Variants in GSDMC observed in about 807,000 individuals in gnomAD.
GSDMC encodes the protein gasdermin-C.
Under a neutral mutation model 58.0 loss-of-function variants are expected in GSDMC, and 59 were observed. That is an observed-to-expected ratio of 1.02 (90% CI 0.82 to 1.26). The LOEUF (loss-of-function observed/expected upper bound fraction) is 1.26, where lower values mean the gene tolerates loss of function less well. GSDMC is among the 50% of genes most tolerant of loss of function. The pLI, the probability that GSDMC is intolerant of heterozygous loss-of-function variation, is 0.00. For missense variants in GSDMC, 659 were observed against 598.5 expected (o/e 1.10, Z -1.06); for synonymous variants, 241 against 220.2 (o/e 1.09, Z -0.83).
At chr8:129,725,022 A>G in the GSDMC span, among the ~76,000 whole-genome samples, 1 of 152,196 alleles carries the variant, frequency 6.6e-6, no homozygotes. Context: ...GGCCAGTTGA[A>G]CAAGTTAACC....
intron 3 of GSDMC, among the ~76,000 whole-genome samples, chr8:129,775,089 G>A (rs781584402): frequency 6.6e-6 from 1 of 152,160 alleles, no homozygotes; most frequent in Non-Finnish European, 1.5e-5. Flanking sequence ...AAATTAATCA[G>A]TAGCTCAAAG....
the GSDMC span, among the ~76,000 whole-genome samples, chr8:129,714,361 T>G: frequency 6.6e-6 from 1 of 152,178 alleles, no homozygotes; most frequent in Non-Finnish European, 1.5e-5. Context: ...AAGACAGAAA[T>G]AGTCTGTTTT....
rs2034270807 is a variant in GSDMC at position 129,777,429 on chromosome 8, A to G, written c.159T>C (p.Ser53=). 2 of 1,613,960 alleles carry G rather than the reference A, an allele frequency of 1.2e-6. No homozygotes were observed. Among genetic ancestry groups the G allele is most frequent in the East Asian group, 4.5e-5 (2 of 44,880 alleles). Residue 53 remains serine (S), a synonymous_variant, in exon 2 of 14, where the codon TCT becomes TCC. Transcript: ENST00000276708. ...KDSRSSFWEQ[S]DYVPVEFSLN... ...GGGAGAATTCAACTGGAACATAGTC[A>G]GATTGTTCCCAAAATGATGAACGAG... is the stretch of plus-strand genomic sequence containing the variant.
chr8:129,776,205 T>C lies in GSDMC; in HGVS notation c.301A>G (p.Ile101Val). Residue 101 changes from isoleucine to valine, a missense_variant, in exon 3 of 14, where the codon ATA (isoleucine) becomes GTA (valine). By Grantham distance (29) the Ile-to-Val change is conservative. Coordinates refer to ENST00000276708, the MANE Select transcript of GSDMC (RefSeq NM_031415.3). Reference protein sequence around the residue: ...HKADMGVNVGIEVSVSGEASV... With the variant: ...HKADMGVNVGVEVSVSGEASV... ...GCCTCCCCTGACACACTCACTTCTATACCAACATTCACACCCATGTCAGCC... is the reference window on the plus strand; with the variant it reads ...GCCTCCCCTGACACACTCACTTCTACACCAACATTCACACCCATGTCAGCC... 1 of 1,613,774 alleles carries C rather than the reference T, an allele frequency of 6.2e-7. No homozygotes were observed. Among genetic ancestry groups the C allele is most frequent in the African/African-American group, 1.3e-5 (1 of 75,024 alleles).
the GSDMC span, among the ~76,000 whole-genome samples, chr8:129,734,783 T>C: frequency 1.3e-5 from 2 of 152,150 alleles, no homozygotes; most frequent in Admixed American, 1.3e-4. Flanking sequence ...GCTAACATCA[T>C]AATGACAGGA....
In GSDMC at chr8:129,752,691, A is replaced by G; in HGVS notation, c.844+7T>C. ...AGAAGTAAAAATAAAGTGAGCAATC[A>G]CAGTACCTGGTTTTAACTTCATATC... On this transcript the variant is annotated splice_region_variant and intron_variant, in intron 7 of 13. Coordinates refer to ENST00000276708, the MANE Select transcript of GSDMC (RefSeq NM_031415.3). 6.2e-7 allele frequency: 1 copy of G among 1,614,130 alleles called. No homozygotes were observed. The highest frequency in any genetic ancestry group is 8.5e-7 in the Non-Finnish European group (1 of 1,179,996).
chr8:129,777,878 C>T (rs1161181880), intron 1 of GSDMC, among the ~76,000 whole-genome samples: 6 of 152,136 alleles, frequency 3.9e-5, no homozygotes, highest in African/African-American at 9.7e-5. Flanking sequence ...CACCATCACA[C>T]CTGGCTTCCA....
chr8:129,713,925 G>A, the GSDMC span, among the ~76,000 whole-genome samples: 4 of 152,264 alleles, frequency 2.6e-5, no homozygotes, highest in South Asian at 2.1e-4. Context: ...TAATGGCCTC[G>A]GGTGGAAAAA....
intron 3 of GSDMC, among the ~76,000 whole-genome samples, chr8:129,775,566 T>C (rs2034198349): frequency 6.6e-6 from 1 of 152,178 alleles, no homozygotes. Flanking sequence ...CTGACTTTAT[T>C]GTGGTCTTTT....
downstream of GSDMC, among the ~76,000 whole-genome samples, chr8:129,745,001 A>G (rs2032931568): frequency 6.6e-6 from 1 of 152,164 alleles, no homozygotes; most frequent in African/African-American, 2.4e-5. Context: ...ATAAGTATAA[A>G]CATAGCCTAT....
rs2033328072 is a variant in GSDMC at position 129,753,929 on chromosome 8, G to A, written c.722-1109C>T. Among the ~76,000 whole-genome samples the A allele has an allele frequency of 5.3e-5, 8 of 152,330 alleles. 1 individual carries two copies. The South Asian group carries it at 1.7e-3, about 32-fold the overall frequency. ...CTCCTCTACCTGTGAAAAGGGGAGGGAAGAGTGGGGAAAACTTTGTCTTGT... is the reference window on the plus strand; with the variant it reads ...CTCCTCTACCTGTGAAAAGGGGAGGAAAGAGTGGGGAAAACTTTGTCTTGT... On this transcript the variant is annotated intron_variant, in intron 6 of 13. Transcript: ENST00000276708.
the GSDMC span, among the ~76,000 whole-genome samples, chr8:129,727,642 A>G: frequency 2.0e-5 from 3 of 152,198 alleles, no homozygotes; most frequent in African/African-American, 7.2e-5. Flanking sequence ...TCCCAGACTC[A>G]GGACTGAGAT....
chr8:129,725,879 C>T, the GSDMC span, among the ~76,000 whole-genome samples: 4 of 152,166 alleles, frequency 2.6e-5, no homozygotes, highest in African/African-American at 9.7e-5. Context: ...CTGCCCTAAT[C>T]AATACAGTCT....
chr8:129,730,043 T>C, the GSDMC span: 2 of 1,186,622 alleles, frequency 1.7e-6, no homozygotes, highest in South Asian at 1.4e-5. Context: ...GGAAAAGGAG[T>C]ATTCCTTGAA....
the GSDMC span, among the ~76,000 whole-genome samples, chr8:129,712,959 T>A: frequency 6.6e-6 from 1 of 152,192 alleles, no homozygotes; most frequent in African/African-American, 2.4e-5. Flanking sequence ...AGACTGAAGC[T>A]GGATGAGCAA....
At chr8:129,708,593 G>A in the GSDMC span, among the ~76,000 whole-genome samples, 1 of 152,224 alleles carries the variant, frequency 6.6e-6, no homozygotes, top group Non-Finnish European at 1.5e-5. Context: ...AGCCATAGAA[G>A]GGCCATCTTT....
chr8:129,713,129 C>G, the GSDMC span, among the ~76,000 whole-genome samples: 1 of 152,236 alleles, frequency 6.6e-6, no homozygotes, highest in African/African-American at 2.4e-5. Flanking sequence ...ATGGACTAAA[C>G]AGAGACTTGC....
At chr8:129,766,289 G>A (rs1330356055) in intron 3 of GSDMC, among the ~76,000 whole-genome samples, 1 of 152,214 alleles carries the variant, frequency 6.6e-6, no homozygotes, top group Non-Finnish European at 1.5e-5. Flanking sequence ...CGGATTTACT[G>A]TCCTTGGTGG....
the GSDMC span, among the ~76,000 whole-genome samples, chr8:129,725,261 A>G: frequency 6.6e-6 from 1 of 152,230 alleles, no homozygotes; most frequent in Admixed American, 6.5e-5. Context: ...TTCCCTGACA[A>G]TAAAGCTGGT....
Sources: allele counts gnomAD v4.1 joint callset (sites outside exome capture counted in the v4.1 genomes callset), GRCh38; gene constraint gnomAD v4.1.1; transcripts MANE v1.5; gene names NCBI Gene and HGNC (gene_info 2026-07-23, HGNC 2026-07-21).